The following CNTN5 variants were observed in gnomAD, a reference collection of about 807,000 sequenced individuals.
CNTN5 encodes the protein contactin 5.
Under a neutral mutation model 129.1 loss-of-function variants are expected in CNTN5, and 77 were observed. That is an observed-to-expected ratio of 0.60 (90% CI 0.50 to 0.72). CNTN5 has a LOEUF of 0.72. CNTN5 is among the 30% of genes least tolerant of loss of function. The pLI is 0.00. For synonymous variants in CNTN5, 509 were observed against 465.6 expected, an observed-to-expected ratio of 1.09 and a Z score of -1.20; for missense variants, 1,478 against 1,328.8, an observed-to-expected ratio of 1.11 and a Z score of -1.75.
chr11:99,638,825 G>C (rs893226415), intron 3 of CNTN5, among the ~76,000 whole-genome samples: 7 of 152,172 alleles, frequency 4.6e-5, no homozygotes, highest in African/African-American at 1.7e-4. Context: ...GCTTTCACGG[G>C]CTGCGTTTGA....
chr11:99,484,191 A>G (rs988899287), intron 2 of CNTN5, among the ~76,000 whole-genome samples: 6 of 152,164 alleles, frequency 3.9e-5, no homozygotes, highest in Non-Finnish European at 1.5e-5. Context: ...ATAAAAACAA[A>G]AAAACACAAT....
At chr11:100,245,395 G>C (rs1949821050) in intron 16 of CNTN5, among the ~76,000 whole-genome samples, 1 of 152,086 alleles carries the variant, frequency 6.6e-6, no homozygotes. Context: ...GTCACAAGAA[G>C]ATTGCCGTGA....
chr11:99,471,147 G>A (rs1945155577), intron 2 of CNTN5, among the ~76,000 whole-genome samples: 1 of 72,634 alleles, frequency 1.4e-5, no homozygotes. Context: ...AAGTAATGTT[G>A]CTAAAAAAAA....
intron 9 of CNTN5, among the ~76,000 whole-genome samples, chr11:100,050,758 C>T (rs1041325213): frequency 6.6e-6 from 1 of 151,806 alleles, no homozygotes; most frequent in Admixed American, 6.6e-5. Context: ...AAAACGTGTA[C>T]CATGCAAATA....
chr11:99,257,128 A>G (rs2135811274), intron 1 of CNTN5, among the ~76,000 whole-genome samples: 1 of 152,258 alleles, frequency 6.6e-6, no homozygotes, highest in Admixed American at 6.5e-5. Flanking sequence ...AAGAAAGGTA[A>G]GAACAGAACA....
chr11:99,338,950 GTGATATAT>G (rs1866379043), intron 2 of CNTN5, among the ~76,000 whole-genome samples: 1 of 108,974 alleles, frequency 9.2e-6, no homozygotes, highest in Non-Finnish European at 2.0e-5. Flanking sequence ...ATATATATCT[GTGATATAT>G]ATGTGTGTGT....
intron 7 of CNTN5, among the ~76,000 whole-genome samples, chr11:99,917,810 A>G (rs1949832471): frequency 6.6e-6 from 1 of 152,182 alleles, no homozygotes; most frequent in Non-Finnish European, 1.5e-5. Flanking sequence ...TAGTACAATG[A>G]ATTGCATATA....
In CNTN5 at chr11:100,207,265, G is replaced by A. The variant is rs575420423; in HGVS notation, c.1884+13602G>A. 1.2e-4 allele frequency among the ~76,000 whole-genome samples: 19 copies of A among 152,228 alleles called. No homozygotes were observed. The South Asian group carries it at 3.9e-3, about 32-fold the overall frequency. On this transcript the variant is annotated intron_variant, in intron 15 of 24. Transcript: ENST00000524871. ...AGGTATGTCATTAGCAGAAAAGCTTGTTCTTACAATTAATGTTTAATTGAA... is the reference window on the plus strand; with the variant it reads ...AGGTATGTCATTAGCAGAAAAGCTTATTCTTACAATTAATGTTTAATTGAA...
rs1473106538 is a variant in CNTN5, at chr11:100,358,812, A to T, written c.*2592A>T. ...CATATACCGTGTGGAAGGCACAGTCAAATAATAGTTCTGTGTACTGTTCTT... is the reference window on the plus strand; with the variant it reads ...CATATACCGTGTGGAAGGCACAGTCTAATAATAGTTCTGTGTACTGTTCTT... On this transcript the variant is annotated 3_prime_UTR_variant, in exon 25 of 25. Coordinates refer to ENST00000524871, the MANE Select transcript of CNTN5 (RefSeq NM_014361.4). 1.3e-5 allele frequency: 2 copies of T among 151,916 alleles called. No individual in the cohort carries two copies. Among genetic ancestry groups the T allele is most frequent in the Non-Finnish European group, 2.9e-5 (2 of 67,872 alleles). The allele number at this position is 151,916 out of a possible 1,614,324, so 9.4% of individuals were successfully genotyped here.
At chr11:100,054,778 C>T (rs1386713564) in intron 9 of CNTN5, among the ~76,000 whole-genome samples, 1 of 151,652 alleles carries the variant, frequency 6.6e-6, no homozygotes, top group Non-Finnish European at 1.5e-5. Flanking sequence ...TGGAGCTTAG[C>T]AAGGTATACA....
intron 3 of CNTN5, among the ~76,000 whole-genome samples, chr11:99,674,759 T>G (rs1318639606): frequency 6.6e-6 from 1 of 152,198 alleles, no homozygotes; most frequent in African/African-American, 2.4e-5. Context: ...GATAAGATGC[T>G]TTCTAAAGAA....
Position 99,698,756 on chromosome 11 carries a change from TAGG to T in CNTN5, c.56-120787_56-120785del, listed in dbSNP as rs1334394101. 7.3e-5 allele frequency among the ~76,000 whole-genome samples: 11 copies of T among 151,448 alleles called. No homozygotes were observed. The South Asian group carries it at 1.7e-3, about 23-fold the overall frequency. Reference sequence around the variant, plus strand: ...GTTACATTTTCCCACATCATAAAATTAGGGGGAAAATAGAAAAATGAAATTACT... The same window carrying T: ...GTTACATTTTCCCACATCATAAAATTGGGAAAATAGAAAAATGAAATTACT... On this transcript the variant is annotated intron_variant, in intron 3 of 24. Coordinates refer to ENST00000524871, the MANE Select transcript of CNTN5 (RefSeq NM_014361.4).
intron 13 of CNTN5, among the ~76,000 whole-genome samples, chr11:100,130,781 G>C (rs1946348709): frequency 6.6e-6 from 1 of 152,118 alleles, no homozygotes; most frequent in Non-Finnish European, 1.5e-5. Context: ...ATTGCTTGGA[G>C]GGAGGGGAGT....
chr11:99,759,862 A>G (rs953649302), intron 3 of CNTN5, among the ~76,000 whole-genome samples: 5 of 152,140 alleles, frequency 3.3e-5, no homozygotes, highest in East Asian at 1.9e-4. Flanking sequence ...TGGAACATGA[A>G]GAACACGTGA....
intron 1 of CNTN5, among the ~76,000 whole-genome samples, chr11:99,057,087 A>G (rs979647698): frequency 1.3e-5 from 2 of 152,044 alleles, no homozygotes; most frequent in Admixed American, 6.6e-5. Context: ...GCACAATTTA[A>G]TCTGGTTACA....
At chr11:99,440,998 A>G (rs1023982183) in intron 2 of CNTN5, among the ~76,000 whole-genome samples, 1 of 152,226 alleles carries the variant, frequency 6.6e-6, no homozygotes, top group Admixed American at 6.5e-5. Context: ...TATTAACATT[A>G]TTTAGAGATG....
intron 1 of CNTN5, among the ~76,000 whole-genome samples, chr11:99,087,982 G>T (rs1027268590): frequency 2.6e-5 from 4 of 152,050 alleles, no homozygotes; most frequent in Admixed American, 2.6e-4. Context: ...AATAATTTTT[G>T]CACTATTATC....
chr11:99,589,112 T>C (rs1949898464), intron 3 of CNTN5, among the ~76,000 whole-genome samples: 1 of 152,108 alleles, frequency 6.6e-6, no homozygotes, highest in Non-Finnish European at 1.5e-5. Context: ...GTGCAGCAAA[T>C]TGGTACACAA....
At chr11:99,802,957 C>T (rs1304509896) in intron 3 of CNTN5, among the ~76,000 whole-genome samples, 1 of 152,132 alleles carries the variant, frequency 6.6e-6, no homozygotes, top group African/African-American at 2.4e-5. Flanking sequence ...CACCTGGAGA[C>T]CTGCCTAGGC....
Sources: allele counts gnomAD v4.1 joint callset (sites outside exome capture counted in the v4.1 genomes callset), GRCh38; gene constraint gnomAD v4.1.1; transcripts MANE v1.5; gene names NCBI Gene and HGNC (gene_info 2026-07-23, HGNC 2026-07-21).